FMR1: variants seen among roughly 807,000 people sequenced by gnomAD.
The protein encoded by FMR1 is fragile X messenger ribonucleoprotein 1.
Under a neutral mutation model 50.6 loss-of-function variants are expected in FMR1, and 13 were observed. The ratio of observed to expected loss-of-function variants is 0.26; its 90% confidence interval spans 0.17 to 0.41. The LOEUF (loss-of-function observed/expected upper bound fraction) is 0.41. Ranked by LOEUF, FMR1 falls within the 10% of genes least tolerant of loss-of-function variation. FMR1 has a pLI of 1.00. For missense variants in FMR1, 316 were observed against 491.3 expected, an observed-to-expected ratio of 0.64 and a Z score of 3.37; for synonymous variants, 138 against 164.1, an observed-to-expected ratio of 0.84 and a Z score of 1.22.
chrX:147,941,031 T>C (rs782243759), intron 13 of FMR1, among the ~76,000 whole-genome samples: 1 of 112,415 alleles, frequency 8.9e-6, no homozygotes, highest in South Asian at 3.7e-4. Flanking sequence ...GTTCCTTTTA[T>C]GTCATTTATC....
chrX:147,948,738 C>T lies in FMR1; in HGVS notation c.1793C>T (p.Thr598Ile). 8.3e-7 allele frequency: 1 copy of T among 1,211,324 alleles called. No homozygotes were observed. Among genetic ancestry groups the T allele is most frequent in the Non-Finnish European group, 1.1e-6 (1 of 895,116 alleles). Reference sequence around the variant, plus strand: ...GTCCACACTAAAACATTACAGAATACCTCCAGTGAAGGTAGTCGGCTGCGC... The same window carrying T: ...GTCCACACTAAAACATTACAGAATATCTCCAGTGAAGGTAGTCGGCTGCGC... ...RSVHTKTLQNTSSEGSRLRTG... is the reference protein window; with the variant it reads ...RSVHTKTLQNISSEGSRLRTG... Residue 598 changes from threonine to isoleucine, a missense_variant, in exon 17 of 17, where the codon ACC becomes ATC. Physicochemically the swap from Thr to Ile is moderately conservative, Grantham distance 89. Transcript: ENST00000370475.
At chrX:147,917,850 G>A (rs977349973) in intron 1 of FMR1, among the ~76,000 whole-genome samples, 1 of 111,641 alleles carries the variant, frequency 9.0e-6, no homozygotes, top group Admixed American at 9.5e-5. Context: ...CAGCTATTAA[G>A]TATTAGAGCC....
intron 1 of FMR1, among the ~76,000 whole-genome samples, chrX:147,920,001 CTA>C (rs2043079302): frequency 8.9e-6 from 1 of 112,236 alleles, no homozygotes; most frequent in Admixed American, 9.4e-5. Context: ...ATACCAGAAA[CTA>C]TGCCATTTAC....
chrX:147,927,056 T>A (rs782436926), intron 3 of FMR1, among the ~76,000 whole-genome samples: 18 of 112,164 alleles, frequency 1.6e-4, no homozygotes, highest in Admixed American at 1.4e-3. Flanking sequence ...GTTATTTATT[T>A]TCCAAAAATG....
At chrX:147,929,061 A>C (rs1217498957) in intron 5 of FMR1, among the ~76,000 whole-genome samples, 1 of 112,291 alleles carries the variant, frequency 8.9e-6, no homozygotes, top group Non-Finnish European at 1.9e-5. Flanking sequence ...CATAATGTAC[A>C]TTTGTTTTCT....
intron 11 of FMR1, 120 bp downstream of exon 11, chrX:147,937,720 C>T (rs1557179936): frequency 2.7e-5 from 14 of 525,802 alleles, no homozygotes; most frequent in Admixed American, 2.2e-4. Flanking sequence ...ATTTTTTTTC[C>T]AAATGTAATT....
In FMR1 at chrX:147,935,238, A is replaced by T. The variant is rs782501975; in HGVS notation, c.881-1266A>T. ...ATTGACAGAAGGACCTAGACCAAGA[A>T]TCCTGATTTAATGGTGTCAGATCTG... is the stretch of plus-strand genomic sequence containing the variant. On this transcript the variant is annotated intron_variant, in intron 9 of 16. Transcript: ENST00000370475. Among the ~76,000 whole-genome samples the T allele has an allele frequency of 3.6e-5, 4 of 111,965 alleles. No homozygotes were observed. The East Asian group carries it at 1.1e-3, about 31-fold the overall frequency.
intron 1 of FMR1, among the ~76,000 whole-genome samples, chrX:147,915,335 G>T (rs2042802297): frequency 9.0e-6 from 1 of 111,679 alleles, no homozygotes; most frequent in Admixed American, 9.4e-5. Flanking sequence ...CTTGCATAAG[G>T]TTTATAAATT....
chrX:147,946,179 CTA>C (rs781785139), intron 16 of FMR1, among the ~76,000 whole-genome samples: 1 of 112,106 alleles, frequency 8.9e-6, no homozygotes, highest in African/African-American at 3.2e-5. Flanking sequence ...CCCAGCCACA[CTA>C]TGATTTTAAT....
intron 13 of FMR1, among the ~76,000 whole-genome samples, chrX:147,942,758 T>C (rs571818405): frequency 8.9e-6 from 1 of 112,712 alleles, no homozygotes; most frequent in South Asian, 3.6e-4. Flanking sequence ...TTATCTATAT[T>C]CATACATTTT....
chrX:147,931,617 T>C (rs1430273952), intron 7 of FMR1, among the ~76,000 whole-genome samples: 1 of 111,694 alleles, frequency 9.0e-6, no homozygotes, highest in Non-Finnish European at 1.9e-5. Context: ...ATTAATGGCA[T>C]GCTAGAACTG....
chrX:147,950,805 C>T lies in FMR1; in HGVS notation c.*1961C>T, dbSNP rs782699102. The T allele has an allele frequency of 2.3e-5, 7 of 303,280 alleles. No homozygotes were observed. The highest frequency in any genetic ancestry group is 1.5e-4 in the Admixed American group (4 of 26,420). 25.0% of individuals were successfully genotyped at this position (303,280 alleles called of 1,213,427 possible). A position where few individuals can be genotyped will look rare whatever the true frequency, so the allele number is the denominator to read the frequency against. On this transcript the variant is annotated 3_prime_UTR_variant, in exon 17 of 17. Coordinates refer to ENST00000370475, the MANE Select transcript of FMR1 (RefSeq NM_002024.6). ...ACTTTCAAGAACTTGTTTAATAAAG[C>T]GAAAAACTCAACCAAATGGTACAAA...
In FMR1 at chrX:147,928,271, T is replaced by C. The variant is rs1205197072; in HGVS notation, c.199-51T>C. 1.0e-5 allele frequency: 11 copies of C among 1,093,034 alleles called. 1 individual carries two copies. The highest frequency in any genetic ancestry group is 1.4e-5 in the Non-Finnish European group (11 of 792,495). 90.1% of individuals were successfully genotyped at this position (1,093,034 alleles called of 1,213,427 possible). A position where few individuals can be genotyped will look rare whatever the true frequency, so the allele number is the denominator to read the frequency against. On this transcript the variant is annotated intron_variant, in intron 3 of 16. Coordinates refer to ENST00000370475, the MANE Select transcript of FMR1 (RefSeq NM_002024.6). ...TCCTCGATATCTGAAAATCTGTAGA[T>C]TTCAAAATTATGTTAATCATGAAAT...
chrX:147,918,905 C>T (rs1012868475), intron 1 of FMR1, among the ~76,000 whole-genome samples: 1 of 110,524 alleles, frequency 9.0e-6, no homozygotes, highest in Non-Finnish European at 1.9e-5. Context: ...TGTAAGTAGT[C>T]GCACATGACC....
intron 1 of FMR1, 118 bp from the exon 2 acceptor site, chrX:147,921,815 A>C (rs184627591): frequency 4.0e-6 from 2 of 497,432 alleles, no homozygotes; most frequent in Admixed American, 6.6e-5. Flanking sequence ...ACTGACCTTC[A>C]TTTGAAGTTC....
At chrX:147,945,075 T>C in intron 15 of FMR1, 24 bp downstream of exon 15, 1 of 1,166,728 alleles carries the variant, frequency 8.6e-7, no homozygotes, top group Non-Finnish European at 1.1e-6. Context: ...CATTAAGAAA[T>C]CAAAGTGAAT....
intron 14 of FMR1, 99 bp from the exon 15 acceptor site, chrX:147,944,769 GT>G: frequency 1.8e-6 from 2 of 1,125,443 alleles, no homozygotes; most frequent in Non-Finnish European, 2.3e-6. Flanking sequence ...ATTGGGAAGA[GT>G]TTTGGATTAC....
At position 147,949,155 on chromosome X, in the gene FMR1, A is replaced by G. The variant is rs1262937657; in HGVS notation, c.*311A>G. On this transcript the variant is annotated 3_prime_UTR_variant, in exon 17 of 17. Coordinates refer to ENST00000370475, the MANE Select transcript of FMR1 (RefSeq NM_002024.6). Reference sequence around the variant, plus strand: ...TTGTTAATTTGGACCATTTTCCTGCATTGGGTGATCATTCACCAGTACATT... The same window carrying G: ...TTGTTAATTTGGACCATTTTCCTGCGTTGGGTGATCATTCACCAGTACATT... 2.6e-6 allele frequency: 1 copy of G among 386,845 alleles called. No homozygotes were observed. The highest frequency in any genetic ancestry group is 6.5e-5 in the East Asian group (1 of 15,388). The allele number at this position is 386,845 out of a possible 1,213,427, so 31.9% of individuals were successfully genotyped here.
intron 13 of FMR1, among the ~76,000 whole-genome samples, chrX:147,941,242 A>G (rs2043993546): frequency 8.9e-6 from 1 of 111,754 alleles, no homozygotes; most frequent in Admixed American, 9.5e-5. Context: ...CAAGCACTGG[A>G]TGGGCAATGC....
Sources: allele counts gnomAD v4.1 joint callset (sites outside exome capture counted in the v4.1 genomes callset), GRCh38; gene constraint gnomAD v4.1.1; transcripts MANE v1.5; gene names NCBI Gene and HGNC (gene_info 2026-07-23, HGNC 2026-07-21).